The following VBP1 variants were observed in gnomAD, a reference collection of about 807,000 sequenced individuals.
The protein encoded by VBP1 is prefoldin subunit 3.
Under a neutral mutation model 15.5 loss-of-function variants are expected in VBP1, and 4 were observed. That is an observed-to-expected ratio of 0.26 (90% CI 0.13 to 0.59). The LOEUF (loss-of-function observed/expected upper bound fraction) is 0.59. Ranked by LOEUF, VBP1 falls within the 20% of genes least tolerant of loss-of-function variation. The pLI, the probability that VBP1 is intolerant of heterozygous loss-of-function variation, is 0.90. For synonymous variants in VBP1, 61 were observed against 52.1 expected (o/e 1.17, Z -0.74); for missense variants, 108 against 139.6 (o/e 0.77, Z 1.14).
At chrX:155,236,436 TG>T in intron 5 of VBP1, 69 bp downstream of exon 5, 1 of 1,122,749 alleles carries the variant, frequency 8.9e-7, no homozygotes, top group East Asian at 3.1e-5. Context: ...CATTCTTTCA[TG>T]GGCAGAGGGA....
chrX:155,238,933 T>A lies in VBP1; in HGVS notation c.*91T>A. The A allele has an allele frequency of 1.6e-6, 1 of 623,187 alleles. No homozygotes were observed. The highest frequency in any genetic ancestry group is 2.3e-6 in the Non-Finnish European group (1 of 430,967). 51.4% of individuals were successfully genotyped at this position (623,187 alleles called of 1,213,427 possible). A position where few individuals can be genotyped will look rare whatever the true frequency, so the allele number is the denominator to read the frequency against. On this transcript the variant is annotated 3_prime_UTR_variant, in exon 6 of 6. Coordinates refer to ENST00000286428, the MANE Select transcript of VBP1 (RefSeq NM_003372.7). ...CAGGTTGACATAACTTTGAATGTTT[T>A]AACAGCAAGAATTTTAAGAAAAGAT...
upstream of VBP1, chrX:155,213,333 G>C (rs1557308678): frequency 8.9e-6 from 1 of 111,975 alleles, no homozygotes; most frequent in Non-Finnish European, 1.9e-5. Context: ...TCAGGAAAAA[G>C]GAGACACATT....
upstream of VBP1, among the ~76,000 whole-genome samples, chrX:155,212,484 A>G (rs2124054322): frequency 9.0e-6 from 1 of 111,536 alleles, no homozygotes; most frequent in South Asian, 3.8e-4. Context: ...AGTGACAACC[A>G]TGGGATGCAG....
At chrX:155,201,482 G>T (rs2074603736) in intron 1 of VBP1, among the ~76,000 whole-genome samples, 1 of 91,438 alleles carries the variant, frequency 1.1e-5, no homozygotes, top group African/African-American at 4.8e-5. Flanking sequence ...ATGTAATCCA[G>T]CATATAAACA....
chrX:155,235,131 T>C (rs1390142388), intron 4 of VBP1, among the ~76,000 whole-genome samples: 1 of 110,261 alleles, frequency 9.1e-6, no homozygotes, highest in African/African-American at 3.3e-5. Context: ...TGTGTGTGTG[T>C]GTGTGTGTGT....
intron 1 of VBP1, among the ~76,000 whole-genome samples, chrX:155,204,245 C>T (rs782255698): frequency 2.2e-4 from 24 of 111,181 alleles, no homozygotes; most frequent in African/African-American, 5.2e-4. Context: ...CTCTGCCCCC[C>T]GGGTTCAAGC....
At chrX:155,228,637 G>A (rs782507246) in intron 4 of VBP1, among the ~76,000 whole-genome samples, 155 bp downstream of exon 4, 8 of 111,791 alleles carry the variant, frequency 7.2e-5, no homozygotes, top group African/African-American at 2.6e-4. Context: ...AGGGACAAAG[G>A]GACAGAGTCC....
At chrX:155,229,433 T>G in intron 4 of VBP1, among the ~76,000 whole-genome samples, 1 of 112,425 alleles carries the variant, frequency 8.9e-6, no homozygotes, top group East Asian at 2.8e-4. Flanking sequence ...TACTTGAATG[T>G]GACTTTTGCC....
At chrX:155,217,863 A>C (rs781869094) in intron 1 of VBP1, among the ~76,000 whole-genome samples, 1 of 111,505 alleles carries the variant, frequency 9.0e-6, no homozygotes, top group African/African-American at 3.3e-5. Flanking sequence ...GAACTTGGAC[A>C]ATCCGTGGAG....
chrX:155,203,886 C>G (rs1220824371), intron 1 of VBP1, among the ~76,000 whole-genome samples: 1 of 111,829 alleles, frequency 8.9e-6, no homozygotes, highest in African/African-American at 3.3e-5. Flanking sequence ...GTATATAACA[C>G]AAAGATAGTT....
At chrX:155,210,725 T>C (rs1557308454) in intron 2 of VBP1, among the ~76,000 whole-genome samples, 1 of 112,162 alleles carries the variant, frequency 8.9e-6, no homozygotes, top group African/African-American at 3.2e-5. Flanking sequence ...ATCATTTTGC[T>C]GAAATTGATT....
intron 2 of VBP1, among the ~76,000 whole-genome samples, chrX:155,225,952 G>A (rs1302911060): frequency 8.9e-6 from 1 of 112,036 alleles, no homozygotes; most frequent in Non-Finnish European, 1.9e-5. Flanking sequence ...CAGGTCAGTA[G>A]CACAGGGTGT....
rs782161420 is a variant in VBP1 at position 155,201,562 on chromosome X, C to T, written c.-31+4423C>T. 3.5e-4 allele frequency among the ~76,000 whole-genome samples: 29 copies of T among 83,577 alleles called. 4 individuals carry two copies. Among genetic ancestry groups the T allele is most frequent in the Admixed American group, 2.1e-3 (17 of 7,960 alleles). The allele number at this position is 83,577 out of a possible 115,157, so 72.6% of individuals were successfully genotyped here. ...AAGACCTTTGACAAATTCAACAACC[C>T]TTCATGCTAAAAACTCTCAATAAAT... On this transcript the variant is annotated intron_variant, in intron 1 of 6. Coordinates refer to the VBP1 transcript ENST00000535916.
intron 4 of VBP1, among the ~76,000 whole-genome samples, chrX:155,234,663 T>G (rs2074763544): frequency 9.0e-6 from 1 of 111,680 alleles, no homozygotes; most frequent in Non-Finnish European, 1.9e-5. Context: ...CTCTCTCATC[T>G]TTCATTTATC....
At chrX:155,213,737 A>G (rs1195250445), upstream of VBP1, 3 of 112,729 alleles carry the variant, frequency 2.7e-5, no homozygotes, top group African/African-American at 9.7e-5. Context: ...GATGGTTGTT[A>G]AACACAGCCA....
intron 5 of VBP1, among the ~76,000 whole-genome samples, chrX:155,237,094 T>C (rs1237934166): frequency 8.9e-6 from 1 of 112,041 alleles, no homozygotes; most frequent in Non-Finnish European, 1.9e-5. Context: ...AGATAAAAGT[T>C]AGGCTGCTTT....
intron 4 of VBP1, among the ~76,000 whole-genome samples, chrX:155,232,617 T>G (rs2074752759): frequency 8.9e-6 from 1 of 111,961 alleles, no homozygotes; most frequent in African/African-American, 3.2e-5. Flanking sequence ...AAATGCAAAT[T>G]AAAAGCACAA....
chrX:155,212,923 C>T (rs983747125), upstream of VBP1: 3 of 112,192 alleles, frequency 2.7e-5, no homozygotes, highest in East Asian at 2.8e-4. Context: ...CCTACCTTGT[C>T]CTCTCTTGTA....
chrX:155,201,008 A>G (rs1233689503), intron 1 of VBP1, among the ~76,000 whole-genome samples: 2 of 111,958 alleles, frequency 1.8e-5, no homozygotes, highest in Non-Finnish European at 3.8e-5. Context: ...TAGAAAATCT[A>G]GAAGAAATGG....
Sources: gnomAD v4.1 joint callset for allele counts (sites outside exome capture counted in the v4.1 genomes callset) on GRCh38, gnomAD v4.1.1 for gene constraint, MANE v1.5 for transcripts, NCBI Gene and HGNC (gene_info 2026-07-23, HGNC 2026-07-21) for gene names.